CYTH3: variants seen among roughly 807,000 people sequenced by gnomAD.
The protein encoded by CYTH3 is cytohesin 3, also known as cytohesin-3.
Under a neutral mutation model 55.1 loss-of-function variants are expected in CYTH3, and 23 were observed. The ratio of observed to expected loss-of-function variants is 0.42; its 90% CI spans 0.30 to 0.59. CYTH3 has a LOEUF of 0.59. Ranked by LOEUF, CYTH3 falls within the 20% of genes least tolerant of loss-of-function variation. CYTH3 has a pLI of 0.20. For synonymous variants in CYTH3, 249 were observed against 194.9 expected (o/e 1.28, Z -2.31); for missense variants, 413 against 524.8 (o/e 0.79, Z 2.08).
intron 1 of CYTH3, among the ~76,000 whole-genome samples, chr7:6,262,952 C>T (rs1057057416): frequency 6.6e-6 from 1 of 151,728 alleles, no homozygotes; most frequent in Non-Finnish European, 1.5e-5. Context: ...AAAGTAAAGG[C>T]ATTTTTGACC....
intron 1 of CYTH3, among the ~76,000 whole-genome samples, chr7:6,227,675 G>C (rs1779289895): frequency 6.6e-6 from 1 of 152,180 alleles, no homozygotes; most frequent in African/African-American, 2.4e-5. Context: ...GCAAACCAAA[G>C]GGAAGCATTT....
At chr7:6,196,119 A>C (rs1481296656) in intron 1 of CYTH3, among the ~76,000 whole-genome samples, 5 of 152,202 alleles carry the variant, frequency 3.3e-5, no homozygotes, top group African/African-American at 1.2e-4. Flanking sequence ...CTCAAGAGTG[A>C]GAAGTCTTCC....
At chr7:6,259,938 C>A (rs764359076) in intron 1 of CYTH3, among the ~76,000 whole-genome samples, 2 of 143,668 alleles carry the variant, frequency 1.4e-5, no homozygotes, top group Non-Finnish European at 3.0e-5. Flanking sequence ...TCAAGTGATT[C>A]TCCTGCCTCA....
chr7:6,185,938 G>GA (rs1329074907), intron 4 of CYTH3, among the ~76,000 whole-genome samples: 1 of 151,750 alleles, frequency 6.6e-6, no homozygotes, highest in Non-Finnish European at 1.5e-5. Flanking sequence ...AAAGCAAGGG[G>GA]AACGTTAGAA....
chr7:6,185,061 A>C (rs747238585), intron 4 of CYTH3, among the ~76,000 whole-genome samples: 17 of 152,330 alleles, frequency 1.1e-4, no homozygotes, highest in Non-Finnish European at 2.1e-4. Flanking sequence ...TGCTTATTAC[A>C]TCTGCTGATA....
At chr7:6,185,491 T>G (rs1190704378) in intron 4 of CYTH3, among the ~76,000 whole-genome samples, 2 of 151,884 alleles carry the variant, frequency 1.3e-5, no homozygotes, top group Non-Finnish European at 2.9e-5. Flanking sequence ...GGTCAGGAGA[T>G]CGAGACCATC....
intron 1 of CYTH3, among the ~76,000 whole-genome samples, chr7:6,258,936 T>G (rs1780205253): frequency 1.3e-5 from 2 of 152,278 alleles, no homozygotes; most frequent in African/African-American, 4.8e-5. Context: ...AACCCAGATG[T>G]TCACTAAAAA....
intron 4 of CYTH3, among the ~76,000 whole-genome samples, chr7:6,178,205 T>C (rs1392120585): frequency 6.6e-6 from 1 of 152,230 alleles, no homozygotes; most frequent in African/African-American, 2.4e-5. Context: ...TTACAGGTGG[T>C]TATTAGAAAT....
chr7:6,227,441 A>G (rs1779285597), intron 1 of CYTH3, among the ~76,000 whole-genome samples: 1 of 152,246 alleles, frequency 6.6e-6, no homozygotes, highest in South Asian at 2.1e-4. Context: ...ATAAAATTCA[A>G]CAGCCCTTCC....
At chr7:6,181,626 A>G (rs1040959617) in intron 4 of CYTH3, among the ~76,000 whole-genome samples, 1 of 152,160 alleles carries the variant, frequency 6.6e-6, no homozygotes. Flanking sequence ...CCTGCTTGGC[A>G]TTTGGTGGGG....
At chr7:6,191,449 AAGC>A (rs942518568) in intron 1 of CYTH3, among the ~76,000 whole-genome samples, 2 of 152,238 alleles carry the variant, frequency 1.3e-5, no homozygotes, top group African/African-American at 2.4e-5. Context: ...GAAAAAATAA[AAGC>A]AGATTGTATG....
intron 3 of CYTH3, 44 bp from the exon 4 acceptor site, chr7:6,187,160 C>A: frequency 6.3e-7 from 1 of 1,574,982 alleles, no homozygotes; most frequent in Non-Finnish European, 8.7e-7. Flanking sequence ...GCTGTTTTCA[C>A]AATGCAGCCC....
At chr7:6,181,450 C>T (rs887406056) in intron 4 of CYTH3, among the ~76,000 whole-genome samples, 1 of 152,198 alleles carries the variant, frequency 6.6e-6, no homozygotes, top group African/African-American at 2.4e-5. Flanking sequence ...GGCACTGCTC[C>T]CCTCCTGTCT....
rs1007552140 is a variant in CYTH3 at position 6,272,556 on chromosome 7, G to T, written c.-49C>A. 18 of 1,255,172 alleles carry T rather than the reference G, an allele frequency of 1.4e-5. No homozygotes were observed. The African/African-American group carries it at 2.7e-4, about 19-fold the overall frequency. The allele number at this position is 1,255,172 out of a possible 1,614,324, so 77.8% of individuals were successfully genotyped here. A position where few individuals can be genotyped will look rare whatever the true frequency, so the allele number is the denominator to read the frequency against. ...CGAGCCGGGGGCCGGCAGCAGAGGG[G>T]CCGCGGGCTGGGGACGCCGCCGGAG... is the stretch of plus-strand genomic sequence containing the variant. On this transcript the variant is annotated 5_prime_UTR_variant, in exon 1 of 13. Coordinates refer to ENST00000350796, the MANE Select transcript of CYTH3 (RefSeq NM_004227.4).
chr7:6,235,787 A>G (rs1321249218), intron 1 of CYTH3, among the ~76,000 whole-genome samples: 6 of 152,162 alleles, frequency 3.9e-5, no homozygotes, highest in Admixed American at 1.3e-4. Flanking sequence ...CAGAAACCCC[A>G]CTCAAATGTG....
intron 1 of CYTH3, among the ~76,000 whole-genome samples, chr7:6,252,817 T>C (rs1780008731): frequency 1.3e-5 from 2 of 152,212 alleles, no homozygotes; most frequent in African/African-American, 4.8e-5. Flanking sequence ...TCTTACTAAA[T>C]TTTCCAATTG....
chr7:6,179,772 CACACACACCACCT>C (rs1783448816), intron 4 of CYTH3, among the ~76,000 whole-genome samples: 3 of 136,568 alleles, frequency 2.2e-5, no homozygotes, highest in Admixed American at 7.2e-5. Context: ...ACACACACCC[CACACACACCACCT>C]ACCACACACA....
intron 5 of CYTH3, among the ~76,000 whole-genome samples, chr7:6,176,900 G>C (rs1268638377): frequency 6.6e-6 from 1 of 152,212 alleles, no homozygotes; most frequent in Non-Finnish European, 1.5e-5. Context: ...GCCTGTCTTA[G>C]CTTTTTAAGT....
intron 1 of CYTH3, among the ~76,000 whole-genome samples, chr7:6,245,517 A>G (rs372464079): frequency 6.9e-4 from 105 of 152,278 alleles, no homozygotes; most frequent in African/African-American, 2.4e-3. Context: ...GTCCAGCGGG[A>G]GCAGGCTTCT....
Sources: gnomAD v4.1 joint callset for allele counts (sites outside exome capture counted in the v4.1 genomes callset) on GRCh38, gnomAD v4.1.1 for gene constraint, MANE v1.5 for transcripts, NCBI Gene and HGNC (gene_info 2026-07-23, HGNC 2026-07-21) for gene names.